MSL2: variants seen among roughly 807,000 people sequenced by gnomAD.
The protein encoded by MSL2 is E3 ubiquitin-protein ligase MSL2.
In MSL2, 2 loss-of-function variants were observed where a neutral mutation model predicts 35.8. The observed-to-expected ratio is 0.06, with a 90% confidence interval of 0.02 to 0.18. MSL2 has a LOEUF of 0.18. Ranked by LOEUF, MSL2 falls within the 10% of genes least tolerant of loss-of-function variation. MSL2 has a pLI of 1.00. For missense variants in MSL2, 523 were observed against 706.7 expected, an observed-to-expected ratio of 0.74 and a Z score of 2.95; for synonymous variants, 296 against 255.7, an observed-to-expected ratio of 1.16 and a Z score of -1.50.
Position 136,158,977 on chromosome 3 carries a change from G to A in MSL2, c.143-6239C>T, listed in dbSNP as rs148378728. Among the ~76,000 whole-genome samples the A allele has an allele frequency of 5.8e-3, 887 of 152,268 alleles. 4 individuals carry two copies. Among genetic ancestry groups the A allele is most frequent in the Middle Eastern group, 0.02 (6 of 294 alleles). ...GAGTATCTAAACAGACATGTTCATG[G>A]ATTAGAAGACTACCAATATATTGTC... On this transcript the variant is annotated intron_variant, in intron 1 of 1. Coordinates refer to ENST00000309993, the MANE Select transcript of MSL2 (RefSeq NM_018133.4).
At chr3:136,185,201 C>G (rs1940484034) in intron 1 of MSL2, among the ~76,000 whole-genome samples, 1 of 151,922 alleles carries the variant, frequency 6.6e-6, no homozygotes. Context: ...ATCTCAAACT[C>G]CTGACCTCAA....
At chr3:136,194,884 C>T in intron 1 of MSL2, 88 bp downstream of exon 1, 1 of 1,573,324 alleles carries the variant, frequency 6.4e-7, no homozygotes. Flanking sequence ...TAATACCAAC[C>T]ACCAGGCCGT....
intron 1 of MSL2, among the ~76,000 whole-genome samples, chr3:136,153,465 A>G (rs918252950): frequency 1.3e-5 from 2 of 152,178 alleles, no homozygotes; most frequent in Non-Finnish European, 2.9e-5. Flanking sequence ...CATATATACT[A>G]ATCATAAACT....
In MSL2 at chr3:136,156,947, T is replaced by C. The variant is rs147472215; in HGVS notation, c.143-4209A>G. Among the ~76,000 whole-genome samples the C allele has an allele frequency of 5.5e-3, 837 of 152,380 alleles. 10 individuals are homozygous for C. Among genetic ancestry groups the C allele is most frequent in the Admixed American group, 9.0e-3 (138 of 15,310 alleles). On this transcript the variant is annotated intron_variant, in intron 1 of 1. Transcript: ENST00000309993. ...TGAAGAAGAGAAAATGTTCACAATA[T>C]ATTTAGTTGTAAACCGAGTGATAAA...
intron 1 of MSL2, among the ~76,000 whole-genome samples, chr3:136,172,607 C>T (rs748423525): frequency 4.6e-5 from 7 of 152,166 alleles, no homozygotes; most frequent in Non-Finnish European, 8.8e-5. Flanking sequence ...TCTCCGTCAT[C>T]TCCTCTACAT....
At position 136,149,286 on chromosome 3, in the gene MSL2, AAG is replaced by A. The variant is rs1262327497; in HGVS notation, c.*1859_*1860del. 2 of 152,596 alleles carry A rather than the reference AAG, an allele frequency of 1.3e-5. No individual in the cohort carries two copies. The highest frequency in any genetic ancestry group is 2.4e-5 in the African/African-American group (1 of 41,458). The allele number at this position is 152,596 out of a possible 1,614,324, so 9.5% of individuals were successfully genotyped here. A position where few individuals can be genotyped will look rare whatever the true frequency, so the allele number is the denominator to read the frequency against. On this transcript the variant is annotated 3_prime_UTR_variant, in exon 2 of 2. Transcript: ENST00000309993. ...TTTTTGCAGTGATCATTAGTGAATA[AAG>A]AACAGATTTACAACTTTATATAGCA...
intron 1 of MSL2, among the ~76,000 whole-genome samples, chr3:136,182,952 A>G (rs1940410953): frequency 6.6e-6 from 1 of 152,208 alleles, no homozygotes; most frequent in Admixed American, 6.5e-5. Flanking sequence ...TGCCCTCAGT[A>G]GCATGGAAAA....
chr3:136,149,898 A>C lies in MSL2; in HGVS notation c.*1249T>G, dbSNP rs1182784995. ...TGTCAAAGCTGCAGCTCTTCTTTTA[A>C]ATCACAGGTTATTTCATTACACCTA... On this transcript the variant is annotated 3_prime_UTR_variant, in exon 2 of 2. Coordinates refer to ENST00000309993, the MANE Select transcript of MSL2 (RefSeq NM_018133.4). 1 of 152,586 alleles carries C rather than the reference A, an allele frequency of 6.6e-6. No individual in the cohort carries two copies. Among genetic ancestry groups the C allele is most frequent in the Admixed American group, 6.5e-5 (1 of 15,268 alleles). The allele number at this position is 152,586 out of a possible 1,614,324, so 9.5% of individuals were successfully genotyped here.
intron 1 of MSL2, among the ~76,000 whole-genome samples, chr3:136,181,451 A>AG (rs1360134319): frequency 6.6e-6 from 1 of 152,202 alleles, no homozygotes; most frequent in Non-Finnish European, 1.5e-5. Context: ...CTCATTTTAA[A>AG]GGAAGATAAA....
Position 136,186,935 on chromosome 3 carries a change from C to A in MSL2, c.142+8037G>T, listed in dbSNP as rs191258647. Among the ~76,000 whole-genome samples, 247 of 152,132 alleles carry A rather than the reference C, an allele frequency of 1.6e-3. 1 individual carries two copies. In the Middle Eastern group the frequency reaches 0.027, roughly 17 times the overall value. On this transcript the variant is annotated intron_variant, in intron 1 of 1. Transcript: ENST00000309993. ...CTGCAGATTACTTATAACACCTAAA[C>A]AATATAAATACTATGTAAGTAGTTG...
intron 1 of MSL2, among the ~76,000 whole-genome samples, chr3:136,183,582 C>G (rs1940428042): frequency 6.6e-6 from 1 of 152,082 alleles, no homozygotes; most frequent in African/African-American, 2.4e-5. Flanking sequence ...CCAACCATGT[C>G]CAGCTAATTT....
At chr3:136,187,233 C>G (rs1034897742) in intron 1 of MSL2, among the ~76,000 whole-genome samples, 11 of 152,194 alleles carry the variant, frequency 7.2e-5, no homozygotes, top group African/African-American at 2.4e-4. Flanking sequence ...TAACACAATA[C>G]ATTTCAAATT....
At chr3:136,185,136 G>A (rs1048798774) in intron 1 of MSL2, among the ~76,000 whole-genome samples, 6 of 151,844 alleles carry the variant, frequency 4.0e-5, no homozygotes, top group Non-Finnish European at 5.9e-5. Context: ...CACCACACCC[G>A]GCTTATTTTT....
chr3:136,175,047 T>C (rs1940133519), intron 1 of MSL2, among the ~76,000 whole-genome samples: 1 of 152,174 alleles, frequency 6.6e-6, no homozygotes, highest in Non-Finnish European at 1.5e-5. Context: ...AGAGTAACTA[T>C]GCTGAATTTG....
rs758649999 is a variant in MSL2, at chr3:136,195,000, G to C, written c.114C>G (p.Phe38Leu). The C allele has an allele frequency of 8.2e-5, 132 of 1,613,834 alleles. No individual in the cohort carries two copies. Among genetic ancestry groups the C allele is most frequent in the Middle Eastern group, 4.9e-4 (3 of 6,084 alleles). ...AAACACAGCACGAAAGGGACTGTCG[G>C]AAGTAAGGCAAGAGCCTGTTAATCT... The part of the protein sequence containing the change: ...FTEINRLLPY[F>L]RQSLSCCVCG... The change falls in exon 1 of 2, where the codon TTC becomes TTG. Residue 38 changes from phenylalanine to leucine, a missense_variant. This residue lies in a region of MSL2 where 45 missense variants were observed against 47.5 expected (regional missense o/e 0.95). Transcript: ENST00000309993.
At chr3:136,177,470 C>T (rs187547888) in intron 1 of MSL2, among the ~76,000 whole-genome samples, 4 of 151,766 alleles carry the variant, frequency 2.6e-5, no homozygotes, top group East Asian at 1.9e-4. Context: ...GTCAGGAGAT[C>T]GAGACCATCC....
chr3:136,180,678 C>T (rs1056874937), intron 1 of MSL2, among the ~76,000 whole-genome samples: 7 of 146,758 alleles, frequency 4.8e-5, no homozygotes, highest in East Asian at 2.0e-4. Context: ...CCAGCCTGGG[C>T]GACAGAGCAA....
intron 1 of MSL2, among the ~76,000 whole-genome samples, chr3:136,184,793 TGAG>T (rs1238068901): frequency 4.5e-5 from 6 of 134,266 alleles, no homozygotes. Context: ...AAGGACAAAC[TGAG>T]GAGGACATAC....
intron 1 of MSL2, among the ~76,000 whole-genome samples, chr3:136,193,471 G>C (rs1315170798): frequency 1.3e-5 from 2 of 151,232 alleles, no homozygotes; most frequent in African/African-American, 4.9e-5. Context: ...CCTCACCATA[G>C]TAGCACCCTA....
Sources: allele counts gnomAD v4.1 joint callset (sites outside exome capture counted in the v4.1 genomes callset), GRCh38; gene constraint gnomAD v4.1.1; regional missense constraint gnomAD v4.1.1; transcripts MANE v1.5; gene names NCBI Gene and HGNC (gene_info 2026-07-23, HGNC 2026-07-21).